The following TKFC variants were observed in gnomAD, a reference collection of about 807,000 sequenced individuals.
The protein encoded by TKFC is triokinase and FMN cyclase, also known as triokinase/FMN cyclase.
Under a neutral mutation model 61.0 loss-of-function variants are expected in TKFC, and 46 were observed. That is an observed-to-expected ratio of 0.75 (90% CI 0.60 to 0.96). The LOEUF (loss-of-function observed/expected upper bound fraction) is 0.96, where lower values mean the gene tolerates loss of function less well. Among genes scored for constraint, TKFC ranks in the 50% least tolerant of loss-of-function variants. The pLI is 0.00. For missense variants in TKFC, 715 were observed against 777.5 expected (o/e 0.92, Z 0.96); for synonymous variants, 314 against 330.1 (o/e 0.95, Z 0.53).
chr11:61,335,228 C>G (rs1856556934), intron 2 of TKFC: 1 of 162,512 alleles, frequency 6.2e-6, no homozygotes, highest in Admixed American at 5.9e-5. Context: ...TTTCAGCCTG[C>G]CACTGACCAG....
chr11:61,346,909 A>G lies in TKFC; in HGVS notation c.*406A>G, dbSNP rs544680189. 6.0e-5 allele frequency: 60 copies of G among 991,970 alleles called. 1 individual carries two copies. In the South Asian group the frequency reaches 2.0e-3, roughly 34 times the overall value. 61.4% of individuals were successfully genotyped at this position (991,970 alleles called of 1,614,324 possible). On this transcript the variant is annotated 3_prime_UTR_variant, in exon 18 of 18. Coordinates refer to ENST00000394900, the MANE Select transcript of TKFC (RefSeq NM_015533.4). This position sits in a 1 kb window ranked among gnomAD's most constrained non-coding sequence, Gnocchi z 4.1. The stretch of plus-strand genomic sequence containing the variant: ...AAAGAAAGTTAATAAACTATAATAC[A>G]TGGAAGCAAGAAAGACACTGCCTCC...
chr11:61,348,226 GT>G lies in TKFC; in HGVS notation c.*1727del. 1 of 985,388 alleles carries G rather than the reference GT, an allele frequency of 1.0e-6. No homozygotes were observed. 61.0% of individuals were successfully genotyped at this position (985,388 alleles called of 1,614,324 possible). A position where few individuals can be genotyped will look rare whatever the true frequency, so the allele number is the denominator to read the frequency against. ...AACCTAGTCACCCTTTTTGAGTCTT[GT>G]TTTCTCAGATTATGAAATAGGAAAA... On this transcript the variant is annotated 3_prime_UTR_variant, in exon 18 of 18. Coordinates refer to ENST00000394900, the MANE Select transcript of TKFC (RefSeq NM_015533.4).
At chr11:61,350,061 C>T (rs970795594), downstream of TKFC, 10 of 518,796 alleles carry the variant, frequency 1.9e-5, no homozygotes, top group South Asian at 8.8e-5. Context: ...GAGAGGCTGA[C>T]GCCAAGGAGT....
chr11:61,350,046 G>T (rs900169920), downstream of TKFC: 6 of 504,584 alleles, frequency 1.2e-5, no homozygotes, highest in Non-Finnish European at 2.2e-5. Flanking sequence ...GTGAATGGAG[G>T]ACCTGAGAGG....
intron 6 of TKFC, 128 bp from the exon 7 acceptor site, chr11:61,341,695 A>T: frequency 1.5e-5 from 18 of 1,238,368 alleles, no homozygotes; most frequent in Non-Finnish European, 2.0e-5. Context: ...GCTGAGGTGG[A>T]GAGTCTGGCA....
downstream of TKFC, chr11:61,352,890 C>T (rs1364612700): frequency 6.3e-7 from 1 of 1,591,578 alleles, no homozygotes; most frequent in Non-Finnish European, 8.5e-7. Flanking sequence ...CAAAATCTCT[C>T]CTCCCTTGGG....
At position 61,346,452 on chromosome 11, in the gene TKFC, G is replaced by A. The variant is rs529957602; in HGVS notation, c.1677G>A (p.Ala559=). The change falls in exon 18 of 18, where the codon GCG becomes GCA. Residue 559 remains alanine (A), a synonymous_variant. Coordinates refer to ENST00000394900, the MANE Select transcript of TKFC (RefSeq NM_015533.4). The surrounding 1 kb of genome is among the most constrained non-coding windows in gnomAD (Gnocchi z 4.1). ...GGCTGGAGCAGCCAGACCCCGGGGC[G>A]GTGGCAGCTGCTGCCATCCTCCGGG... ...SARLEQPDPG[A]VAAAAILRAI... is the part of the protein sequence containing the mutation. 336 of 1,610,372 alleles carry A rather than the reference G, an allele frequency of 2.1e-4. 1 individual carries two copies. The South Asian group carries it at 3.2e-3, about 16-fold the overall frequency.
chr11:61,353,128 G>A, downstream of TKFC: 1 of 1,608,016 alleles, frequency 6.2e-7, no homozygotes, highest in Non-Finnish European at 8.5e-7. Context: ...AGACAGCAAA[G>A]CCCAGGAACC....
At chr11:61,342,036 T>G in intron 7 of TKFC, 124 bp downstream of exon 7, 1 of 952,022 alleles carries the variant, frequency 1.1e-6, no homozygotes, top group Non-Finnish European at 1.6e-6. Context: ...TTTTACCTGG[T>G]CATTTGAGGC....
Position 61,343,917 on chromosome 11 carries a change from G to T in TKFC, c.1044G>T (p.Lys348Asn). The T allele has an allele frequency of 6.2e-7, 1 of 1,611,198 alleles. No individual in the cohort carries two copies. ...CTGCAGTCTCCATTACTGGGCGGAA[G>T]CGGAGCCGGGTAGCCCCTGCCGAGC... ...NVAAVSITGR[K>N]RSRVAPAEPQ... Residue 348 changes from lysine (K) to asparagine (N), a missense_variant, in exon 12 of 18, where the codon AAG becomes AAT. By Grantham distance (94) the Lys-to-Asn change is moderately conservative (BLOSUM62 0). Coordinates refer to ENST00000394900, the MANE Select transcript of TKFC (RefSeq NM_015533.4).
At chr11:61,352,776 GT>G (rs1281037656), downstream of TKFC, 2 of 1,416,850 alleles carry the variant, frequency 1.4e-6, no homozygotes, top group African/African-American at 2.9e-5. Flanking sequence ...CACACAGCAG[GT>G]GCTAAATCAA....
chr11:61,338,815 C>T (rs1397147874), intron 3 of TKFC, among the ~76,000 whole-genome samples: 2 of 152,098 alleles, frequency 1.3e-5, no homozygotes, highest in Non-Finnish European at 2.9e-5. Context: ...TTAGTAAAGA[C>T]AGTAAAATGG....
chr11:61,352,663 A>G (rs1857469241), downstream of TKFC: 1 of 543,222 alleles, frequency 1.8e-6, no homozygotes, highest in Non-Finnish European at 2.6e-6. Flanking sequence ...TCCATCTCAA[A>G]AAAAAAGAAA....
chr11:61,352,451 G>A (rs1257688650), downstream of TKFC: 1 of 160,236 alleles, frequency 6.2e-6, no homozygotes, highest in African/African-American at 2.4e-5. Context: ...CATGAGGTCA[G>A]GAGTCCGAGA....
Position 61,348,575 on chromosome 11 carries a change from G to A in TKFC, c.*2072G>A, listed in dbSNP as rs1478449489. The stretch of plus-strand genomic sequence containing the variant: ...GTGTTAGGACGTGGGGCCTTTGGGA[G>A]GTGATGGGGTTATGAGGGTGGAGCC... On this transcript the variant is annotated 3_prime_UTR_variant, in exon 18 of 18. Transcript: ENST00000394900. 1.2e-6 allele frequency: 1 copy of A among 864,664 alleles called. No homozygotes were observed. The highest frequency in any genetic ancestry group is 1.4e-6 in the Non-Finnish European group (1 of 719,564). The allele number at this position is 864,664 out of a possible 1,614,324, so 53.6% of individuals were successfully genotyped here.
chr11:61,349,272 G>A (rs1590592072), downstream of TKFC: 1 of 429,660 alleles, frequency 2.3e-6, no homozygotes, highest in East Asian at 4.6e-5. Flanking sequence ...GCCATGGTGG[G>A]GCCAGGTGAA....
rs756929289 is a variant in TKFC, at chr11:61,339,325, C to T, written c.376C>T (p.Arg126Trp). 1.4e-5 allele frequency: 22 copies of T among 1,613,772 alleles called. No individual in the cohort carries two copies. Among genetic ancestry groups the T allele is most frequent in the South Asian group, 1.1e-4 (10 of 91,084 alleles). ...LNFGLAREQA[R>W]AEGIPVEMVV... The stretch of plus-strand genomic sequence containing the variant: ...CTTCGGCCTGGCCCGGGAGCAGGCC[C>T]GGGCTGAAGGCATCCCGGTGGAGAT... The change falls in exon 5 of 18, where the codon CGG becomes TGG. Residue 126 changes from arginine to tryptophan, a missense_variant. By Grantham distance (101) the Arg-to-Trp change is moderately radical. Transcript: ENST00000394900.
Position 61,346,691 on chromosome 11 carries a change from T to C in TKFC, c.*188T>C, listed in dbSNP as rs926240522. ...AGACAGCACCCAGAGTGAGCTGGAG[T>C]GGGTCCCCATGCCTCTCCAGCATGC... On this transcript the variant is annotated 3_prime_UTR_variant, in exon 18 of 18. Coordinates refer to ENST00000394900, the MANE Select transcript of TKFC (RefSeq NM_015533.4). This position sits in a 1 kb window ranked among gnomAD's most constrained non-coding sequence, Gnocchi z 4.1. 29 of 1,394,122 alleles carry C rather than the reference T, an allele frequency of 2.1e-5. No individual in the cohort carries two copies. Among genetic ancestry groups the C allele is most frequent in the Admixed American group, 3.1e-5 (1 of 32,690 alleles). 86.4% of individuals were successfully genotyped at this position (1,394,122 alleles called of 1,614,324 possible). A position where few individuals can be genotyped will look rare whatever the true frequency, so the allele number is the denominator to read the frequency against.
downstream of TKFC, chr11:61,353,333 A>G: frequency 1.4e-6 from 1 of 714,620 alleles, no homozygotes; most frequent in Non-Finnish European, 2.3e-6. Context: ...ACAGTAAATG[A>G]CATGCTTAGC....
Sources: allele counts gnomAD v4.1 joint callset (sites outside exome capture counted in the v4.1 genomes callset), GRCh38; gene constraint gnomAD v4.1.1; non-coding constraint Gnocchi (gnomAD v3.1); transcripts MANE v1.5; gene names NCBI Gene and HGNC (gene_info 2026-07-23, HGNC 2026-07-21).